UBE4B: variants seen among roughly 807,000 people sequenced by gnomAD.
UBE4B encodes ubiquitin conjugation factor E4 B.
UBE4B carries 27 observed loss-of-function variants against 148.1 expected under a neutral mutation model. That is an observed-to-expected ratio of 0.18 (90% confidence interval 0.13 to 0.25). The LOEUF is 0.25. Among genes scored for constraint, UBE4B ranks in the 10% least tolerant of loss-of-function variants. UBE4B has a pLI of 1.00. For synonymous variants in UBE4B, 596 were observed against 619.3 expected (o/e 0.96, Z 0.56); for missense variants, 1,170 against 1,662.4 (o/e 0.70, Z 5.15).
intron 15 of UBE4B, 43 bp from the exon 16 acceptor site, chr1:10,134,945 T>A: frequency 6.3e-7 from 1 of 1,584,762 alleles, no homozygotes; most frequent in East Asian, 2.3e-5. Flanking sequence ...AAAAAAAATT[T>A]TTTTTAATGT....
intron 1 of UBE4B, among the ~76,000 whole-genome samples, chr1:10,038,926 G>T (rs566514961): frequency 7.2e-5 from 11 of 152,044 alleles, no homozygotes; most frequent in Non-Finnish European, 8.8e-5. Flanking sequence ...TGGGTGTGAT[G>T]GTACGCACCT....
chr1:10,102,064 C>T (rs1028997680), intron 4 of UBE4B, among the ~76,000 whole-genome samples: 1 of 151,062 alleles, frequency 6.6e-6, no homozygotes, highest in Non-Finnish European at 1.5e-5. Context: ...TTTAGCAACA[C>T]ATGTTAATGA....
chr1:10,111,348 C>T (rs559886594), intron 7 of UBE4B, among the ~76,000 whole-genome samples: 28 of 152,210 alleles, frequency 1.8e-4, no homozygotes, highest in African/African-American at 6.0e-4. Flanking sequence ...GTTCTTTGCA[C>T]GTAATACTCC....
At position 10,099,392 on chromosome 1, in the gene UBE4B, C is replaced by A. The variant is rs1387633856; in HGVS notation, c.348-1716C>A. Among the ~76,000 whole-genome samples, 3 of 152,100 alleles carry A rather than the reference C, an allele frequency of 2.0e-5. 1 individual carries two copies. In the South Asian group the frequency reaches 6.2e-4, roughly 31 times the overall value. ...TTTAAAAAGGTGCCATTCACAATTT[C>A]ATTAAAAAGTATTAACATATGGTAC... On this transcript the variant is annotated intron_variant, in intron 3 of 27. Coordinates refer to ENST00000343090, the MANE Select transcript of UBE4B (RefSeq NM_001105562.3).
At chr1:10,113,823 T>C (rs1295580703) in intron 7 of UBE4B, among the ~76,000 whole-genome samples, 2 of 152,050 alleles carry the variant, frequency 1.3e-5, no homozygotes, top group East Asian at 1.9e-4. Flanking sequence ...TCCTAGCCCT[T>C]TGGGAGGCCG....
chr1:10,129,992 CAA>C (rs1210227925), intron 12 of UBE4B, among the ~76,000 whole-genome samples: 6 of 151,726 alleles, frequency 4.0e-5, no homozygotes, highest in Non-Finnish European at 5.9e-5. Flanking sequence ...ACTAAACTAA[CAA>C]GAGGTATGGA....
intron 20 of UBE4B, among the ~76,000 whole-genome samples, chr1:10,150,507 A>T (rs1645951784): frequency 6.6e-6 from 1 of 152,202 alleles, no homozygotes; most frequent in African/African-American, 2.4e-5. Flanking sequence ...GTTTATAGTT[A>T]ATATAACATG....
chr1:10,151,638 C>T, intron 21 of UBE4B, 77 bp downstream of exon 21: 6 of 1,290,296 alleles, frequency 4.7e-6, no homozygotes, highest in Non-Finnish European at 6.6e-6. Context: ...GACGACGTTG[C>T]TCTAAGCCTG....
At chr1:10,146,014 A>G (rs533795722) in intron 18 of UBE4B, among the ~76,000 whole-genome samples, 5 of 152,338 alleles carry the variant, frequency 3.3e-5, no homozygotes, top group South Asian at 2.1e-4. Context: ...TTTACCTGAC[A>G]TAGCTTTCTA....
intron 1 of UBE4B, among the ~76,000 whole-genome samples, chr1:10,041,575 T>TC (rs1282083146): frequency 5.9e-5 from 9 of 151,900 alleles, no homozygotes; most frequent in Middle Eastern, 3.4e-3. Flanking sequence ...CCTCAGGCGA[T>TC]CCCCCCGCCT....
chr1:10,119,912 T>C (rs1370436720), intron 9 of UBE4B, among the ~76,000 whole-genome samples: 23 of 152,240 alleles, frequency 1.5e-4, no homozygotes. Flanking sequence ...AATTAGTAAC[T>C]GACTATACAG....
chr1:10,043,629 C>T (rs1039270086), intron 1 of UBE4B, among the ~76,000 whole-genome samples: 1 of 151,586 alleles, frequency 6.6e-6, no homozygotes, highest in East Asian at 2.0e-4. Context: ...GGGGTTTCAC[C>T]GTGTTAGCCA....
intron 27 of UBE4B, 47 bp downstream of exon 27, chr1:10,179,609 G>C (rs1051526642): frequency 6.2e-7 from 1 of 1,603,566 alleles, no homozygotes; most frequent in Non-Finnish European, 8.5e-7. Flanking sequence ...TCAGTACCAA[G>C]AGATAAAGCC....
intron 1 of UBE4B, among the ~76,000 whole-genome samples, chr1:10,053,502 T>G (rs1436900139): frequency 2.0e-5 from 3 of 152,114 alleles, no homozygotes; most frequent in African/African-American, 7.2e-5. Context: ...TCGCCCAGGC[T>G]GGAGTGCAGT....
At chr1:10,074,085 T>C (rs1364311550) in intron 2 of UBE4B, among the ~76,000 whole-genome samples, 1 of 152,088 alleles carries the variant, frequency 6.6e-6, no homozygotes, top group Non-Finnish European at 1.5e-5. Flanking sequence ...ACTATAGGCA[T>C]GTGCCACCAC....
chr1:10,065,497 A>G (rs4265433), intron 1 of UBE4B, among the ~76,000 whole-genome samples: 149,811 of 152,316 alleles, frequency 0.98, 73,682 homozygotes, highest in East Asian at 1. Flanking sequence ...CCCACGCTGC[A>G]GGGGTAGTTT....
intron 17 of UBE4B, among the ~76,000 whole-genome samples, chr1:10,143,873 C>A (rs1003825538): frequency 1.3e-5 from 2 of 152,224 alleles, no homozygotes; most frequent in African/African-American, 4.8e-5. Flanking sequence ...CAAAACCCCT[C>A]TACCACTGTA....
At chr1:10,109,714 G>A (rs929423588) in intron 7 of UBE4B, among the ~76,000 whole-genome samples, 1 of 151,750 alleles carries the variant, frequency 6.6e-6, no homozygotes, top group Non-Finnish European at 1.5e-5. Context: ...GCAGTGGAGC[G>A]ATCTCGGCTC....
chr1:10,040,621 C>CTT (rs1185644090), intron 1 of UBE4B, among the ~76,000 whole-genome samples: 9 of 141,128 alleles, frequency 6.4e-5, no homozygotes, highest in African/African-American at 1.0e-4. Context: ...CTTCTTTTTT[C>CTT]TTTTTTTTTT....
Sources: gnomAD v4.1 joint callset for allele counts (sites outside exome capture counted in the v4.1 genomes callset) on GRCh38, gnomAD v4.1.1 for gene constraint, MANE v1.5 for transcripts, NCBI Gene and HGNC (gene_info 2026-07-23, HGNC 2026-07-21) for gene names.